CCDC50: variants seen among roughly 807,000 people sequenced by gnomAD.
CCDC50 encodes the protein coiled-coil domain containing 50.
CCDC50 carries 54 observed loss-of-function variants against 70.2 expected under a neutral mutation model. That is an observed-to-expected ratio of 0.77 (90% CI 0.62 to 0.96). CCDC50 has a LOEUF of 0.96. Ranked by LOEUF, CCDC50 falls within the 50% of genes least tolerant of loss-of-function variation. The pLI, the probability that CCDC50 is intolerant of heterozygous loss-of-function variation, is 0.00. For missense variants in CCDC50, 558 were observed against 578.7 expected (o/e 0.96, Z 0.37); for synonymous variants, 216 against 198.8 (o/e 1.09, Z -0.73).
intron 4 of CCDC50, among the ~76,000 whole-genome samples, chr3:191,366,589 A>C (rs1712696950): frequency 6.6e-6 from 1 of 152,166 alleles, no homozygotes; most frequent in South Asian, 2.1e-4. Context: ...GTTATGTAGA[A>C]CATTAATTAC....
At chr3:191,355,583 C>T (rs1035977054) in intron 1 of CCDC50, among the ~76,000 whole-genome samples, 7 of 152,186 alleles carry the variant, frequency 4.6e-5, no homozygotes, top group Admixed American at 1.3e-4. Flanking sequence ...TTAGAAAACC[C>T]CTTCTTCCTT....
At chr3:191,361,689 C>T (rs993748167) in intron 4 of CCDC50, among the ~76,000 whole-genome samples, 3 of 152,224 alleles carry the variant, frequency 2.0e-5, no homozygotes, top group Non-Finnish European at 2.9e-5. Flanking sequence ...TGAGGACTCA[C>T]CCTAATCCAG....
rs1713771723 is a variant in CCDC50, at chr3:191,393,768, T to C, written c.*2008T>C. 1 of 152,198 alleles carries C rather than the reference T, an allele frequency of 6.6e-6. No individual in the cohort carries two copies. The highest frequency in any genetic ancestry group is 2.4e-5 in the African/African-American group (1 of 41,450). 9.4% of individuals were successfully genotyped at this position (152,198 alleles called of 1,614,324 possible). A position where few individuals can be genotyped will look rare whatever the true frequency, so the allele number is the denominator to read the frequency against. On this transcript the variant is annotated 3_prime_UTR_variant, in exon 12 of 12. Coordinates refer to ENST00000392455, the MANE Select transcript of CCDC50 (RefSeq NM_178335.3). ...CAAATTCCAGATAGTGCTTTCAATATCCAAAGCTTAGGCCTTGTTTACTTA... is the reference window on the plus strand; with the variant it reads ...CAAATTCCAGATAGTGCTTTCAATACCCAAAGCTTAGGCCTTGTTTACTTA...
rs919853946 is a variant in CCDC50, at chr3:191,353,404, A to G, written c.50-3684A>G. On this transcript the variant is annotated intron_variant, in intron 1 of 11. Coordinates refer to ENST00000392455, the MANE Select transcript of CCDC50 (RefSeq NM_178335.3). ...GAACATGGGAGGCAAAAAGTTTGAG[A>G]AATGGGAGGGTGAAAGGTGGTTCAC... Among the ~76,000 whole-genome samples the G allele has an allele frequency of 1.4e-5, 2 of 141,544 alleles. 1 individual carries two copies. Among genetic ancestry groups the G allele is most frequent in the Non-Finnish European group, 3.2e-5 (2 of 62,778 alleles). The allele number at this position is 141,544 out of a possible 152,430, so 92.9% of individuals were successfully genotyped here. A position where few individuals can be genotyped will look rare whatever the true frequency, so the allele number is the denominator to read the frequency against.
chr3:191,388,853 GTGCTACA>G (rs1234940397), intron 10 of CCDC50, among the ~76,000 whole-genome samples: 1 of 151,744 alleles, frequency 6.6e-6, no homozygotes, highest in Non-Finnish European at 1.5e-5. Flanking sequence ...TTCTGCTTCA[GTGCTACA>G]TGTTTGCATA....
chr3:191,361,509 G>A (rs1177707191), intron 4 of CCDC50, among the ~76,000 whole-genome samples: 1 of 152,116 alleles, frequency 6.6e-6, no homozygotes. Flanking sequence ...GCTACCTCTT[G>A]GGAAGGATCC....
chr3:191,386,760 C>G (rs1407565127), intron 10 of CCDC50, among the ~76,000 whole-genome samples: 1 of 152,162 alleles, frequency 6.6e-6, no homozygotes, highest in Non-Finnish European at 1.5e-5. Flanking sequence ...CTTAGGAATA[C>G]TTCTAACCAA....
At chr3:191,382,463 C>A (rs2108670571) in intron 9 of CCDC50, among the ~76,000 whole-genome samples, 1 of 152,238 alleles carries the variant, frequency 6.6e-6, no homozygotes, top group African/African-American at 2.4e-5. Flanking sequence ...CCTGTGTGTT[C>A]AGCCCATTCC....
At chr3:191,353,234 A>G (rs567200912) in intron 1 of CCDC50, among the ~76,000 whole-genome samples, 3 of 142,548 alleles carry the variant, frequency 2.1e-5, no homozygotes, top group African/African-American at 5.0e-5. Context: ...CTACGGGACC[A>G]TTGAGATCTG....
intron 1 of CCDC50, among the ~76,000 whole-genome samples, chr3:191,350,262 T>G (rs1712062945): frequency 7.0e-6 from 1 of 142,004 alleles, no homozygotes; most frequent in Non-Finnish European, 1.6e-5. Flanking sequence ...AATGTATCTC[T>G]TGAATATCTT....
chr3:191,380,197 C>T lies in CCDC50; in HGVS notation c.1015C>T (p.Pro339Ser), dbSNP rs200576224. ...PRVMKEAVSTPSRMAHRDQEW... is the reference protein window; with the variant it reads ...PRVMKEAVSTSSRMAHRDQEW... ...AGTGATGAAAGAAGCTGTATCTACT[C>T]CATCACGAATGGCCCACAGGGATCA... The change falls in exon 7 of 12, where the codon CCA (proline) becomes TCA (serine). Residue 339 changes from proline to serine, a missense_variant. Coordinates refer to ENST00000392455, the MANE Select transcript of CCDC50 (RefSeq NM_178335.3). The T allele has an allele frequency of 3.1e-6, 5 of 1,608,746 alleles. No homozygotes were observed. In the African/African-American group the frequency reaches 5.4e-5, roughly 17 times the overall value.
chr3:191,337,554 C>T (rs528101479), intron 1 of CCDC50, among the ~76,000 whole-genome samples: 3 of 151,870 alleles, frequency 2.0e-5, no homozygotes, highest in South Asian at 2.1e-4. Flanking sequence ...TGTGTTGGCC[C>T]GGCTGGTCTC....
chr3:191,371,529 G>T (rs1405608247), intron 5 of CCDC50, among the ~76,000 whole-genome samples: 1 of 152,176 alleles, frequency 6.6e-6, no homozygotes, highest in Non-Finnish European at 1.5e-5. Flanking sequence ...GTCATCAACT[G>T]CTTTTCTGTA....
At chr3:191,333,336 G>A (rs1256443007) in intron 1 of CCDC50, among the ~76,000 whole-genome samples, 2 of 152,178 alleles carry the variant, frequency 1.3e-5, no homozygotes, top group Non-Finnish European at 2.9e-5. Context: ...GTTAAATTAA[G>A]TTAATGGCGT....
rs1291020337 is a variant in CCDC50 at position 191,393,495 on chromosome 3, A to T, written c.*1735A>T. ...TTCTCAGAGTGGATTTGGGTCTCTC[A>T]TTTGAGAAAGATTTGTAGTTTCAAT... On this transcript the variant is annotated 3_prime_UTR_variant, in exon 12 of 12. Coordinates refer to ENST00000392455, the MANE Select transcript of CCDC50 (RefSeq NM_178335.3). 1 of 152,176 alleles carries T rather than the reference A, an allele frequency of 6.6e-6. No homozygotes were observed. Among genetic ancestry groups the T allele is most frequent in the Admixed American group, 6.5e-5 (1 of 15,282 alleles). 9.4% of individuals were successfully genotyped at this position (152,176 alleles called of 1,614,324 possible). A position where few individuals can be genotyped will look rare whatever the true frequency, so the allele number is the denominator to read the frequency against.
rs1174245670 is a variant in CCDC50, at chr3:191,357,129, C to G, written c.91C>G (p.His31Asp). 1 of 1,613,658 alleles carries G rather than the reference C, an allele frequency of 6.2e-7. No individual in the cohort carries two copies. Among genetic ancestry groups the G allele is most frequent in the Non-Finnish European group, 8.5e-7 (1 of 1,179,696 alleles). ...FAVLEDHTLA[H>D]SLQEQEIEHH... Reference sequence around the variant, plus strand: ...TGTCCTGGAGGACCACACCCTGGCTCACAGCCTGCAGGAACAAGAGAGTGA... The same window carrying G: ...TGTCCTGGAGGACCACACCCTGGCTGACAGCCTGCAGGAACAAGAGAGTGA... Residue 31 changes from histidine to aspartate, a missense_variant, in exon 2 of 12, where the codon CAC becomes GAC. Transcript: ENST00000392455.
Position 191,375,102 on chromosome 3 carries a change from A to T in CCDC50, c.489A>T (p.Gly163=). The T allele has an allele frequency of 6.2e-7, 1 of 1,613,574 alleles. No homozygotes were observed. The change falls in exon 6 of 12, where the codon GGA becomes GGT. Residue 163 remains glycine (G), a synonymous_variant. Coordinates refer to ENST00000392455, the MANE Select transcript of CCDC50 (RefSeq NM_178335.3). Reference sequence around the variant, plus strand: ...GGAGGGCCAGGGAATTGGGTTCTGGATTCTCAAGACCTTGTAGACTCCAAA... The same window carrying T: ...GGAGGGCCAGGGAATTGGGTTCTGGTTTCTCAAGACCTTGTAGACTCCAAA... The part of the protein sequence containing the change: ...GSRRARELGS[G]FSRPCRLQRD...
intron 6 of CCDC50, among the ~76,000 whole-genome samples, chr3:191,379,593 T>A (rs293808): frequency 0.64 from 96,616 of 151,722 alleles, 32,283 homozygotes; most frequent in East Asian, 0.92. Context: ...TGTGGGGAAG[T>A]TCTAAAGCGA....
At position 191,396,740 on chromosome 3, in the gene CCDC50, T is replaced by C. The variant is rs1218593885; in HGVS notation, c.*4980T>C. 1 of 152,180 alleles carries C rather than the reference T, an allele frequency of 6.6e-6. No individual in the cohort carries two copies. Among genetic ancestry groups the C allele is most frequent in the Non-Finnish European group, 1.5e-5 (1 of 68,024 alleles). The allele number at this position is 152,180 out of a possible 1,614,324, so 9.4% of individuals were successfully genotyped here. ...GTGAAGAGTGTTTCTGTTTTATTAC[T>C]TATAAGAGAAAAGCAGGAAAACTTT... On this transcript the variant is annotated 3_prime_UTR_variant, in exon 12 of 12. Transcript: ENST00000392455.
Sources: gnomAD v4.1 joint callset for allele counts (sites outside exome capture counted in the v4.1 genomes callset) on GRCh38, gnomAD v4.1.1 for gene constraint, MANE v1.5 for transcripts, NCBI Gene and HGNC (gene_info 2026-07-23, HGNC 2026-07-21) for gene names.